Variants in CEP112 observed in about 807,000 individuals in gnomAD.
CEP112 encodes the protein centrosomal protein 112.
CEP112 carries 127 observed loss-of-function variants against 153.0 expected under a neutral mutation model. The observed-to-expected ratio is 0.83, with a 90% CI of 0.72 to 0.96. The LOEUF (loss-of-function observed/expected upper bound fraction) is 0.96, where lower values mean the gene tolerates loss of function less well. Among genes scored for constraint, CEP112 ranks in the 40% least tolerant of loss-of-function variants. The pLI is 0.00. For missense variants in CEP112, 1,089 were observed against 1,101.2 expected, an observed-to-expected ratio of 0.99 and a Z score of 0.16; for synonymous variants, 358 against 374.4, an observed-to-expected ratio of 0.96 and a Z score of 0.51.
intron 21 of CEP112, among the ~76,000 whole-genome samples, chr17:65,802,260 T>G (rs925308739): frequency 1.3e-5 from 2 of 152,146 alleles, no homozygotes; most frequent in African/African-American, 4.8e-5. Flanking sequence ...TCATTTTCCC[T>G]GACATCCTCT....
chr17:65,691,805 A>AT (rs1373499313), intron 23 of CEP112, among the ~76,000 whole-genome samples: 1 of 152,170 alleles, frequency 6.6e-6, no homozygotes, highest in Non-Finnish European at 1.5e-5. Context: ...AAGAATAGTT[A>AT]TCTATTTTTT....
intron 23 of CEP112, among the ~76,000 whole-genome samples, chr17:65,738,540 A>G (rs955137392): frequency 1.3e-5 from 2 of 152,160 alleles, no homozygotes; most frequent in Non-Finnish European, 2.9e-5. Context: ...CCTTATACAT[A>G]GTAGGATATC....
intron 23 of CEP112, among the ~76,000 whole-genome samples, chr17:65,695,506 A>G (rs1275582563): frequency 1.3e-5 from 2 of 152,216 alleles, no homozygotes; most frequent in African/African-American, 4.8e-5. Context: ...TAGTCTTACC[A>G]AAGTTTTCTC....
At chr17:65,789,213 G>T (rs1431964518) in intron 21 of CEP112, among the ~76,000 whole-genome samples, 1 of 152,054 alleles carries the variant, frequency 6.6e-6, no homozygotes, top group Non-Finnish European at 1.5e-5. Context: ...AAACTTAGTA[G>T]AATTTTTTAG....
intron 23 of CEP112, among the ~76,000 whole-genome samples, chr17:65,714,691 T>C (rs781440537): frequency 3.3e-5 from 5 of 152,210 alleles, no homozygotes; most frequent in Non-Finnish European, 7.3e-5. Context: ...AACAGTATTG[T>C]ATTATTATTT....
At chr17:65,682,170 T>G (rs1025604344) in intron 24 of CEP112, among the ~76,000 whole-genome samples, 8 of 151,864 alleles carry the variant, frequency 5.3e-5, no homozygotes, top group South Asian at 4.2e-4. Flanking sequence ...ATTTTTGTAT[T>G]TTTAGTAGAG....
intron 1 of CEP112, among the ~76,000 whole-genome samples, chr17:66,190,568 T>C (rs2073126823): frequency 1.3e-5 from 2 of 152,032 alleles, no homozygotes; most frequent in East Asian, 1.9e-4. Flanking sequence ...TGAGCTGAGT[T>C]TGCACCACTG....
intron 8 of CEP112, among the ~76,000 whole-genome samples, chr17:66,075,931 A>C (rs1374772719): frequency 6.6e-6 from 1 of 151,918 alleles, no homozygotes; most frequent in African/African-American, 2.4e-5. Flanking sequence ...CCAAACACAC[A>C]CCCCCACTGG....
At chr17:65,730,728 A>C in intron 23 of CEP112, among the ~76,000 whole-genome samples, 1 of 151,724 alleles carries the variant, frequency 6.6e-6, no homozygotes, top group Non-Finnish European at 1.5e-5. Flanking sequence ...TTAGGACAGT[A>C]AGAATTGCCC....
intron 12 of CEP112, among the ~76,000 whole-genome samples, chr17:66,050,622 A>T (rs1301510718): frequency 1.3e-5 from 2 of 152,248 alleles, no homozygotes; most frequent in East Asian, 1.9e-4. Flanking sequence ...AGAAGAGTAT[A>T]AAAAAACCCC....
chr17:65,826,408 C>A, intron 21 of CEP112: 1 of 1,574,300 alleles, frequency 6.4e-7, no homozygotes. Flanking sequence ...CAGCCTCCCT[C>A]CCCTGATAGA....
intron 21 of CEP112, among the ~76,000 whole-genome samples, chr17:65,809,821 A>C (rs1319956357): frequency 6.6e-6 from 1 of 151,602 alleles, no homozygotes; most frequent in Non-Finnish European, 1.5e-5. Flanking sequence ...ATGAGACTGC[A>C]CAAGATGAGT....
intron 17 of CEP112, among the ~76,000 whole-genome samples, chr17:65,966,707 G>A (rs2062427986): frequency 6.6e-6 from 1 of 152,312 alleles, no homozygotes; most frequent in Admixed American, 6.5e-5. Context: ...ACTTTCATAA[G>A]CATGACAGAT....
At chr17:65,992,284 G>GT (rs1406805340) in intron 17 of CEP112, among the ~76,000 whole-genome samples, 2 of 152,036 alleles carry the variant, frequency 1.3e-5, no homozygotes, top group Non-Finnish European at 2.9e-5. Flanking sequence ...ATTTAAAAGT[G>GT]TCATAGGAAA....
chr17:66,096,858 T>A (rs1000762065), intron 6 of CEP112, among the ~76,000 whole-genome samples: 5 of 152,148 alleles, frequency 3.3e-5, no homozygotes, highest in African/African-American at 9.7e-5. Context: ...CATGATCCTC[T>A]CACTGCCTAA....
intron 12 of CEP112, among the ~76,000 whole-genome samples, chr17:66,053,447 G>A (rs1023522982): frequency 4.6e-5 from 7 of 151,428 alleles, no homozygotes; most frequent in South Asian, 2.1e-4. Context: ...AGGCCATGCC[G>A]TTGCACTCCA....
At chr17:66,001,562 G>T (rs560093174) in intron 17 of CEP112, among the ~76,000 whole-genome samples, 1 of 152,234 alleles carries the variant, frequency 6.6e-6, no homozygotes, top group Non-Finnish European at 1.5e-5. Context: ...AGGCATTTTT[G>T]TATTTATTGT....
chr17:65,917,737 C>T (rs2060546921), intron 19 of CEP112, among the ~76,000 whole-genome samples: 1 of 151,972 alleles, frequency 6.6e-6, no homozygotes, highest in Admixed American at 6.6e-5. Flanking sequence ...TGGCCATCAT[C>T]CAAGGCCAGC....
chr17:66,110,635 G>A (rs1453284635), intron 6 of CEP112, among the ~76,000 whole-genome samples: 1 of 150,494 alleles, frequency 6.6e-6, no homozygotes, highest in Non-Finnish European at 1.5e-5. Context: ...GAAGAATGAT[G>A]TTATGGCCTC....
Sources: allele counts gnomAD v4.1 joint callset (sites outside exome capture counted in the v4.1 genomes callset), GRCh38; gene constraint gnomAD v4.1.1; transcripts MANE v1.5; gene names NCBI Gene and HGNC (gene_info 2026-07-23, HGNC 2026-07-21).